The following MPP7 variants were observed in gnomAD, a reference collection of about 807,000 sequenced individuals.
MPP7 encodes the protein MAGUK p55 scaffold protein 7, also known as MAGUK p55 subfamily member 7.
A neutral mutation model predicts 76.5 loss-of-function variants in MPP7; 60 were observed. The ratio of observed to expected loss-of-function variants is 0.78; its 90% CI spans 0.64 to 0.97. The LOEUF is 0.97. Among genes scored for constraint, MPP7 ranks in the 50% least tolerant of loss-of-function variants. MPP7 has a pLI of 0.00. For missense variants in MPP7, 641 were observed against 694.0 expected (o/e 0.92, Z 0.86); for synonymous variants, 237 against 244.5 (o/e 0.97, Z 0.29).
chr10:28,132,523 A>G (rs1835225655), intron 5 of MPP7, among the ~76,000 whole-genome samples: 2 of 152,212 alleles, frequency 1.3e-5, no homozygotes, highest in Non-Finnish European at 2.9e-5. Context: ...CTCAACGCCT[A>G]GGCTCAAGCG....
chr10:28,255,578 C>T (rs1839759111), intron 1 of MPP7, among the ~76,000 whole-genome samples: 1 of 151,912 alleles, frequency 6.6e-6, no homozygotes, highest in African/African-American at 2.4e-5. Context: ...CCATGCTCAG[C>T]TAATTTTTAG....
In MPP7 at chr10:28,172,285, C is replaced by T. The variant is rs539523528; in HGVS notation, c.157-22226G>A. Among the ~76,000 whole-genome samples, 354 of 152,292 alleles carry T rather than the reference C, an allele frequency of 2.3e-3. 2 individuals are homozygous for T. The highest frequency in any genetic ancestry group is 3.0e-3 in the Non-Finnish European group (201 of 68,016). ...AACAAATACATTGTTAAGTAAAATA[C>T]GTGATTTAGAAATAGGTACTGTTGG... On this transcript the variant is annotated intron_variant, in intron 3 of 16. Coordinates refer to ENST00000683449, the MANE Select transcript of MPP7 (RefSeq NM_001318170.2).
chr10:28,316,887 T>C (rs903151582), intron 2 of MPP7, among the ~76,000 whole-genome samples: 2 of 152,134 alleles, frequency 1.3e-5, no homozygotes, highest in African/African-American at 4.8e-5. Flanking sequence ...TATTTCAAAT[T>C]TGTCAAAGAG....
rs951001364 is a variant in MPP7 at position 28,184,992 on chromosome 10, A to G, written c.156+17161T>C. On this transcript the variant is annotated intron_variant, in intron 3 of 16. Coordinates refer to ENST00000683449, the MANE Select transcript of MPP7 (RefSeq NM_001318170.2). The stretch of plus-strand genomic sequence containing the variant: ...TAATATATTATTTATTAATTGATAT[A>G]TTAATATGTAATTATTATATCATAT... Among the ~76,000 whole-genome samples the G allele has an allele frequency of 4.7e-5, 7 of 147,532 alleles. No individual in the cohort carries two copies. The South Asian group carries it at 6.3e-4, about 13-fold the overall frequency.
At chr10:28,085,437 G>T (rs1204466524) in intron 12 of MPP7, among the ~76,000 whole-genome samples, 2 of 152,198 alleles carry the variant, frequency 1.3e-5, no homozygotes, top group Non-Finnish European at 2.9e-5. Flanking sequence ...ACTTGCTTGA[G>T]ACTGTTTGAA....
At chr10:28,275,292 C>T (rs1186242679) in intron 1 of MPP7, among the ~76,000 whole-genome samples, 2 of 152,160 alleles carry the variant, frequency 1.3e-5, no homozygotes, top group South Asian at 2.1e-4. Flanking sequence ...TCTACATGAA[C>T]GGCATGACCA....
intron 11 of MPP7, among the ~76,000 whole-genome samples, chr10:28,113,901 A>T (rs1225185847): frequency 6.6e-6 from 1 of 152,192 alleles, no homozygotes; most frequent in Non-Finnish European, 1.5e-5. Context: ...AAAGTTTCTT[A>T]CAAGTTTCCT....
chr10:28,054,095 A>G lies in MPP7; in HGVS notation c.1701T>C (p.His567=), dbSNP rs143372624. The G allele has an allele frequency of 1.7e-4, 271 of 1,613,778 alleles. 2 individuals carry two copies. In the East Asian group the frequency reaches 4.4e-3, roughly 26 times the overall value. ...TTFDKLETET[H]WVPVSWLHS ...AATGTAACCAGCTCACTGGCACCCAATGGGTCTCTGTCTCTAATTTGTCAA... is the reference window on the plus strand; with the variant it reads ...AATGTAACCAGCTCACTGGCACCCAGTGGGTCTCTGTCTCTAATTTGTCAA... The change falls in exon 17 of 17, where the codon CAT becomes CAC. Residue 567 remains histidine (H), a synonymous_variant. Transcript: ENST00000683449.
At chr10:28,234,832 AC>A (rs146318240) in intron 2 of MPP7, among the ~76,000 whole-genome samples, 2,372 of 152,150 alleles carry the variant, frequency 0.016, 68 homozygotes, top group African/African-American at 0.052. Flanking sequence ...TTTTTTTGAG[AC>A]AGGGTCTCAC....
At chr10:28,262,258 TGTATATATATATATATA>T (rs1840008326) in intron 1 of MPP7, among the ~76,000 whole-genome samples, 2 of 25,804 alleles carry the variant, frequency 7.8e-5, no homozygotes, top group Non-Finnish European at 1.2e-4. Context: ...TATATATATA[TGTATATATATATATATA>T]TATTTTTTTT....
intron 3 of MPP7, among the ~76,000 whole-genome samples, chr10:28,155,201 T>G (rs1836012030): frequency 6.6e-6 from 1 of 152,156 alleles, no homozygotes; most frequent in Non-Finnish European, 1.5e-5. Flanking sequence ...GAAAACTATA[T>G]ACAATTTGTT....
intron 3 of MPP7, among the ~76,000 whole-genome samples, chr10:28,169,615 A>G (rs978445714): frequency 2.6e-5 from 4 of 152,234 alleles, no homozygotes; most frequent in African/African-American, 7.2e-5. Context: ...GTGCCTCAGT[A>G]AAGTGTCATA....
intron 1 of MPP7, among the ~76,000 whole-genome samples, chr10:28,301,182 T>C (rs947915931): frequency 1.3e-5 from 2 of 152,178 alleles, no homozygotes; most frequent in African/African-American, 4.8e-5. Flanking sequence ...AAATTTACAG[T>C]AAACACTTCC....
chr10:28,233,713 G>A (rs1305602861), intron 2 of MPP7, among the ~76,000 whole-genome samples: 66 of 127,506 alleles, frequency 5.2e-4, no homozygotes, highest in African/African-American at 1.8e-3. Context: ...GCGAGACTCC[G>A]TCTCAAAAAA....
rs1853206369 is a variant in MPP7, at chr10:28,089,801, C to A, written c.993G>T (p.Lys331Asn). The A allele has an allele frequency of 6.3e-7, 1 of 1,589,384 alleles. No individual in the cohort carries two copies. Among genetic ancestry groups the A allele is most frequent in the South Asian group, 1.1e-5 (1 of 89,186 alleles). Residue 331 changes from lysine to asparagine, a missense_variant, in exon 12 of 17, where the codon AAG (lysine) becomes AAT (asparagine). Physicochemically the swap from Lys to Asn is moderately conservative, Grantham distance 94. Transcript: ENST00000683449. ...RKSFRLSRKD[K>N]KTNKSMYECK... ...ATTCATACATGGATTTATTTGTTTT[C>A]TTATCTTTTCTACTAAGACGAAAAC... is the stretch of plus-strand genomic sequence containing the variant.
chr10:28,311,910 G>A (rs1564770232), intron 2 of MPP7, among the ~76,000 whole-genome samples: 3 of 152,016 alleles, frequency 2.0e-5, no homozygotes, highest in Admixed American at 6.6e-5. Flanking sequence ...TTGAAGTTGG[G>A]ATTATAAAAT....
chr10:28,129,712 C>T (rs1327028911), intron 6 of MPP7, among the ~76,000 whole-genome samples: 1 of 152,082 alleles, frequency 6.6e-6, no homozygotes, highest in African/African-American at 2.4e-5. Flanking sequence ...GAAGTGTGAT[C>T]TACCAAAAAC....
intron 2 of MPP7, among the ~76,000 whole-genome samples, chr10:28,324,355 A>G (rs950892830): frequency 1.3e-5 from 2 of 152,220 alleles, no homozygotes; most frequent in Non-Finnish European, 2.9e-5. Flanking sequence ...AATTTCTGTA[A>G]TCTGGAAGCT....
upstream of MPP7, among the ~76,000 whole-genome samples, chr10:28,306,188 A>G (rs550232202): frequency 2.6e-5 from 4 of 152,366 alleles, no homozygotes; most frequent in East Asian, 7.7e-4. Context: ...GGAAATGTCA[A>G]AGTATCTCAG....
Sources: allele counts gnomAD v4.1 joint callset (sites outside exome capture counted in the v4.1 genomes callset), GRCh38; gene constraint gnomAD v4.1.1; transcripts MANE v1.5; gene names NCBI Gene and HGNC (gene_info 2026-07-23, HGNC 2026-07-21).